The following EPB41L3 variants were observed in gnomAD, a reference collection of about 807,000 sequenced individuals.
EPB41L3 encodes the protein erythrocyte membrane protein band 4.1 like 3.
A neutral mutation model predicts 127.1 loss-of-function variants in EPB41L3; 57 were observed. The ratio of observed to expected loss-of-function variants is 0.45; its 90% CI spans 0.36 to 0.56. The LOEUF (loss-of-function observed/expected upper bound fraction) is 0.56. Among genes scored for constraint, EPB41L3 ranks in the 20% least tolerant of loss-of-function variants. The pLI is 0.00. For missense variants in EPB41L3, 1,273 were observed against 1,372.2 expected, an observed-to-expected ratio of 0.93 and a Z score of 1.14; for synonymous variants, 572 against 549.5, an observed-to-expected ratio of 1.04 and a Z score of -0.57.
chr18:5,464,594 T>C (rs1321260781), intron 3 of EPB41L3, among the ~76,000 whole-genome samples: 1 of 152,204 alleles, frequency 6.6e-6, no homozygotes, highest in Non-Finnish European at 1.5e-5. Flanking sequence ...TCCCAGCTGC[T>C]ACTATTGAGT....
Position 5,395,162 on chromosome 18 carries a change from G to A in EPB41L3, c.3073-15C>T. The A allele has an allele frequency of 6.2e-7, 1 of 1,611,926 alleles. No homozygotes were observed. On this transcript the variant is annotated splice_polypyrimidine_tract_variant and intron_variant, in intron 20 of 22. Coordinates refer to ENST00000341928, the MANE Select transcript of EPB41L3 (RefSeq NM_012307.5). ...CCTTTCACAGTCTGCAAGACACGTAGAGAAGCTTTATGAATTTACTCACTG... is the reference window on the plus strand; with the variant it reads ...CCTTTCACAGTCTGCAAGACACGTAAAGAAGCTTTATGAATTTACTCACTG...
chr18:5,623,726 C>A (rs1331492037), intron 1 of EPB41L3, among the ~76,000 whole-genome samples: 6 of 151,440 alleles, frequency 4.0e-5, no homozygotes, highest in Admixed American at 6.6e-5. Flanking sequence ...TGGCTCACTG[C>A]AACCTCTGCC....
chr18:5,419,719 C>G lies in EPB41L3; in HGVS notation c.1498G>C (p.Glu500Gln). The G allele has an allele frequency of 1.2e-6, 2 of 1,614,082 alleles. No individual in the cohort carries two copies. Among genetic ancestry groups the G allele is most frequent in the Non-Finnish European group, 1.7e-6 (2 of 1,179,998 alleles). Residue 500 changes from glutamate (E) to glutamine (Q), a missense_variant, in exon 12 of 23, where the codon GAG (glutamate) becomes CAG (glutamine). Glu to Gln is a conservative substitution (Grantham distance 29). Around this residue, in one of 3 missense-constraint regions of EPB41L3, gnomAD observed 765 missense variants for 782.9 expected, o/e 0.98. Transcript: ENST00000341928. ...EVTPISAIRH[E>Q]GKSPGLGTDS... ...CAGTCTGGGAGCTATACCTTTCCCT[C>G]GTGCCGGATGGCCGAGATGGGCGTG...
intron 1 of EPB41L3, among the ~76,000 whole-genome samples, chr18:5,530,181 T>G (rs964586754): frequency 6.6e-6 from 1 of 152,148 alleles, no homozygotes; most frequent in East Asian, 1.9e-4. Context: ...GTACTTATAT[T>G]TGGGGTTGCT....
At chr18:5,617,620 A>G (rs1040060826) in intron 1 of EPB41L3, among the ~76,000 whole-genome samples, 1 of 152,194 alleles carries the variant, frequency 6.6e-6, no homozygotes, top group African/African-American at 2.4e-5. Flanking sequence ...GCCCGGCCCA[A>G]GTCATTCTAT....
At chr18:5,553,719 A>C (rs889752384) in intron 3 of EPB41L3, among the ~76,000 whole-genome samples, 1 of 152,202 alleles carries the variant, frequency 6.6e-6, no homozygotes, top group African/African-American at 2.4e-5. Context: ...ACCCTGGTGC[A>C]AACCATCACC....
intron 1 of EPB41L3, among the ~76,000 whole-genome samples, chr18:5,501,335 G>A (rs1270787121): frequency 6.6e-6 from 1 of 152,094 alleles, no homozygotes; most frequent in Non-Finnish European, 1.5e-5. Flanking sequence ...ACCTAAATGT[G>A]TCCTAAGTCA....
chr18:5,591,278 G>T (rs1035740875), intron 3 of EPB41L3, among the ~76,000 whole-genome samples: 7 of 152,166 alleles, frequency 4.6e-5, no homozygotes, highest in African/African-American at 1.7e-4. Context: ...CACAAACTGG[G>T]TAACCTATAA....
chr18:5,406,666 G>T, intron 16 of EPB41L3, 111 bp downstream of exon 16: 1 of 974,572 alleles, frequency 1.0e-6, no homozygotes, highest in Non-Finnish European at 1.5e-6. Flanking sequence ...TTAAACATAG[G>T]TAGGAAGAGA....
In EPB41L3 at chr18:5,462,364, C is replaced by A. The variant is rs951150375; in HGVS notation, c.381+15877G>T. Among the ~76,000 whole-genome samples, 6 of 152,114 alleles carry A rather than the reference C, an allele frequency of 3.9e-5. No individual in the cohort carries two copies. The South Asian group carries it at 1.2e-3, about 32-fold the overall frequency. On this transcript the variant is annotated intron_variant, in intron 3 of 22. Transcript: ENST00000341928. The stretch of plus-strand genomic sequence containing the variant: ...ACTGGCAATGAACTGAAAGAAGGCA[C>A]AAGAATCAATCAAAGAGCATGACAA...
Position 5,406,874 on chromosome 18 carries a change from A to G in EPB41L3, c.2252T>C (p.Val751Ala). ...AAGCCTCTTCTCCCATTCATTCGTT[A>G]CGGCAGTGTCTGTTGAGGTTTCTAA... ...TFLETSTDTA[V>A]TNEWEKRLST... Residue 751 changes from valine (V) to alanine (A), a missense_variant, in exon 16 of 23, where the codon GTA (valine) becomes GCA (alanine). Physicochemically the swap from Val to Ala is moderately conservative, Grantham distance 64. Transcript: ENST00000341928. 6.2e-7 allele frequency: 1 copy of G among 1,614,114 alleles called. No homozygotes were observed. Among genetic ancestry groups the G allele is most frequent in the East Asian group, 2.2e-5 (1 of 44,868 alleles).
intron 3 of EPB41L3, among the ~76,000 whole-genome samples, chr18:5,580,215 G>A (rs750616790): frequency 6.6e-6 from 1 of 151,946 alleles, no homozygotes; most frequent in Non-Finnish European, 1.5e-5. Flanking sequence ...CACAAAAATG[G>A]GGTAGATACA....
chr18:5,471,664 G>A (rs114173271), intron 3 of EPB41L3, among the ~76,000 whole-genome samples: 71 of 152,276 alleles, frequency 4.7e-4, no homozygotes, highest in Middle Eastern at 3.4e-3. Context: ...GGAGCAGAGC[G>A]TTTACCTGTG....
At chr18:5,427,814 C>A (rs948196459) in intron 9 of EPB41L3, among the ~76,000 whole-genome samples, 1 of 151,918 alleles carries the variant, frequency 6.6e-6, no homozygotes, top group Non-Finnish European at 1.5e-5. Context: ...GGCACGATCT[C>A]GGCTCACTGC....
At chr18:5,502,132 T>A (rs2091802041) in intron 1 of EPB41L3, among the ~76,000 whole-genome samples, 2 of 152,192 alleles carry the variant, frequency 1.3e-5, no homozygotes, top group Non-Finnish European at 1.5e-5. Flanking sequence ...ATATTCTGAC[T>A]ACGGGAGTTG....
intron 1 of EPB41L3, among the ~76,000 whole-genome samples, chr18:5,615,881 A>G (rs566499780): frequency 2.4e-4 from 36 of 152,010 alleles, no homozygotes; most frequent in South Asian, 1.5e-3. Flanking sequence ...ATGAAATCCC[A>G]CCTTTCACAG....
chr18:5,487,311 C>T (rs964549223), intron 2 of EPB41L3, among the ~76,000 whole-genome samples: 11 of 151,288 alleles, frequency 7.3e-5, no homozygotes, highest in Admixed American at 2.0e-4. Context: ...ATGGTGATTA[C>T]GTGAGGCTGG....
intron 20 of EPB41L3, 77 bp from the exon 21 acceptor site, chr18:5,395,224 G>C (rs2073168199): frequency 8.5e-7 from 1 of 1,179,754 alleles, no homozygotes; most frequent in Non-Finnish European, 1.3e-6. Context: ...GGAAATGGCC[G>C]AAGATGCTGA....
At chr18:5,626,456 G>C (rs775610350) in intron 1 of EPB41L3, among the ~76,000 whole-genome samples, 3 of 152,066 alleles carry the variant, frequency 2.0e-5, no homozygotes, top group African/African-American at 7.2e-5. Context: ...TATAAATAGC[G>C]GGTTTCAATA....
Sources: allele counts gnomAD v4.1 joint callset (sites outside exome capture counted in the v4.1 genomes callset), GRCh38; gene constraint gnomAD v4.1.1; regional missense constraint gnomAD v4.1.1; transcripts MANE v1.5; gene names NCBI Gene and HGNC (gene_info 2026-07-23, HGNC 2026-07-21).